Variants in SRFBP1 observed in about 807,000 individuals in gnomAD.
SRFBP1 encodes serum response factor-binding protein 1.
Under a neutral mutation model 45.5 loss-of-function variants are expected in SRFBP1, and 47 were observed. That is an observed-to-expected ratio of 1.03 (90% CI 0.82 to 1.32). The LOEUF is 1.32. Among genes scored for constraint, SRFBP1 ranks in the 40% most tolerant of loss-of-function variants. The pLI is 0.00. For synonymous variants in SRFBP1, 203 were observed against 166.3 expected (o/e 1.22, Z -1.70); for missense variants, 621 against 484.6 (o/e 1.28, Z -2.64).
chr5:122,033,999 T>C (rs1753638540), intron 2 of SRFBP1, among the ~76,000 whole-genome samples: 1 of 148,170 alleles, frequency 6.7e-6, no homozygotes, highest in Admixed American at 6.8e-5. Context: ...AATTTTCGGG[T>C]TTTTAGTAGA....
At chr5:122,029,890 A>T (rs1374275912), downstream of SRFBP1, among the ~76,000 whole-genome samples, 1 of 152,060 alleles carries the variant, frequency 6.6e-6, no homozygotes, top group African/African-American at 2.4e-5. Flanking sequence ...GGCTAGTGGG[A>T]GCCTCCCCAA....
At chr5:121,968,908 C>T (rs1424074564) in intron 1 of SRFBP1, among the ~76,000 whole-genome samples, 1 of 152,078 alleles carries the variant, frequency 6.6e-6, no homozygotes, top group Non-Finnish European at 1.5e-5. Context: ...TGGAACAATA[C>T]TAGCTCCTAG....
chr5:122,075,055 G>A (rs140290613), intron 2 of SRFBP1, among the ~76,000 whole-genome samples: 9 of 152,182 alleles, frequency 5.9e-5, no homozygotes, highest in Non-Finnish European at 7.4e-5. Flanking sequence ...GATAAAAAAC[G>A]TGTGGTCTTT....
At chr5:122,054,015 G>C (rs1237714865) in intron 2 of SRFBP1, among the ~76,000 whole-genome samples, 1 of 152,200 alleles carries the variant, frequency 6.6e-6, no homozygotes, top group Non-Finnish European at 1.5e-5. Context: ...AGAACTGCTG[G>C]GCCAGAAGCT....
At chr5:122,032,505 C>T (rs987504934), downstream of SRFBP1, among the ~76,000 whole-genome samples, 3 of 151,208 alleles carry the variant, frequency 2.0e-5, no homozygotes, top group Non-Finnish European at 4.4e-5. Context: ...CATATTCTTT[C>T]TTATGCAAAA....
intron 4 of SRFBP1, among the ~76,000 whole-genome samples, chr5:122,009,843 T>C (rs964423478): frequency 6.6e-6 from 1 of 152,208 alleles, no homozygotes. Flanking sequence ...AGTTTGTCTT[T>C]GGAATTTTTG....
At chr5:122,052,955 G>A (rs956459247) in intron 2 of SRFBP1, among the ~76,000 whole-genome samples, 1 of 151,728 alleles carries the variant, frequency 6.6e-6, no homozygotes, top group Non-Finnish European at 1.5e-5. Flanking sequence ...GGATTTGATT[G>A]TGGTATAAGG....
chr5:122,024,027 T>G (rs1193210906), intron 7 of SRFBP1, among the ~76,000 whole-genome samples: 1 of 152,222 alleles, frequency 6.6e-6, no homozygotes, highest in African/African-American at 2.4e-5. Flanking sequence ...GCTGAGTTGC[T>G]GTGGGCAACT....
intron 2 of SRFBP1, among the ~76,000 whole-genome samples, chr5:122,035,461 C>A (rs531245146): frequency 6.6e-6 from 1 of 152,342 alleles, no homozygotes; most frequent in East Asian, 1.9e-4. Flanking sequence ...CCCCATCTTC[C>A]TTCTGTGCTC....
At chr5:121,972,403 G>T (rs1302277871) in intron 1 of SRFBP1, among the ~76,000 whole-genome samples, 1 of 151,860 alleles carries the variant, frequency 6.6e-6, no homozygotes, top group African/African-American at 2.4e-5. Flanking sequence ...AGGAGAGTAG[G>T]CAAAAGCTTA....
intron 4 of SRFBP1, among the ~76,000 whole-genome samples, chr5:122,009,425 C>G (rs1219386725): frequency 1.3e-5 from 2 of 152,070 alleles, no homozygotes; most frequent in Non-Finnish European, 2.9e-5. Flanking sequence ...CTTTTCCCCC[C>G]TTTTCATGTT....
intron 2 of SRFBP1, among the ~76,000 whole-genome samples, chr5:122,068,174 T>TAAAAAAAAA (rs10650287): frequency 1.7e-5 from 2 of 115,880 alleles, no homozygotes; most frequent in Non-Finnish European, 1.7e-5. Context: ...TAATAACTAG[T>TAAAAAAAAA]AAAAAAAAAA....
chr5:122,041,116 A>G (rs924869777), intron 2 of SRFBP1, among the ~76,000 whole-genome samples: 13 of 152,194 alleles, frequency 8.5e-5, no homozygotes, highest in African/African-American at 3.1e-4. Context: ...ATGGTTGAAT[A>G]GCTGTAGTCA....
intron 5 of SRFBP1, among the ~76,000 whole-genome samples, chr5:122,019,816 T>C (rs943469835): frequency 1.3e-5 from 2 of 152,082 alleles, no homozygotes; most frequent in African/African-American, 2.4e-5. Context: ...TATTCTGTGA[T>C]GTTTTTACTG....
At chr5:122,015,667 T>C (rs765661870) in intron 4 of SRFBP1, among the ~76,000 whole-genome samples, 5 of 152,240 alleles carry the variant, frequency 3.3e-5, no homozygotes, top group Non-Finnish European at 7.3e-5. Flanking sequence ...ACAGCCCCCA[T>C]GGGCCAGTTT....
At chr5:121,992,963 C>T (rs981893356) in intron 3 of SRFBP1, among the ~76,000 whole-genome samples, 1 of 152,046 alleles carries the variant, frequency 6.6e-6, no homozygotes, top group Non-Finnish European at 1.5e-5. Flanking sequence ...TTGTCTCCGA[C>T]CCAGGAGCCT....
intron 2 of SRFBP1, among the ~76,000 whole-genome samples, chr5:122,043,520 G>A (rs988668060): frequency 1.6e-4 from 24 of 152,080 alleles, no homozygotes; most frequent in African/African-American, 5.1e-4. Flanking sequence ...CCAGCCTGTC[G>A]CTGTTTTCTG....
chr5:122,056,750 G>A (rs1754086937), intron 2 of SRFBP1, among the ~76,000 whole-genome samples: 1 of 152,126 alleles, frequency 6.6e-6, no homozygotes, highest in Non-Finnish European at 1.5e-5. Flanking sequence ...AATAAGAGAA[G>A]ATGCATCAAT....
intron 4 of SRFBP1, among the ~76,000 whole-genome samples, chr5:122,001,222 A>G (rs1752859531): frequency 1.3e-5 from 2 of 151,622 alleles, no homozygotes. Context: ...TAACTACTTG[A>G]GTAAAATGAA....
Sources: gnomAD v4.1 joint callset for allele counts (sites outside exome capture counted in the v4.1 genomes callset) on GRCh38, gnomAD v4.1.1 for gene constraint, MANE v1.5 for transcripts, NCBI Gene and HGNC (gene_info 2026-07-23, HGNC 2026-07-21) for gene names.